Variants in CCDC178 observed in about 807,000 individuals in gnomAD.
CCDC178 encodes coiled-coil domain containing 178.
A neutral mutation model predicts 117.4 loss-of-function variants in CCDC178; 126 were observed. The ratio of observed to expected loss-of-function variants is 1.07; its 90% CI spans 0.93 to 1.24. The LOEUF (loss-of-function observed/expected upper bound fraction) is 1.24. Among genes scored for constraint, CCDC178 ranks in the 50% most tolerant of loss-of-function variants. The pLI is 0.00. For synonymous variants in CCDC178, 283 were observed against 313.4 expected (o/e 0.90, Z 1.02); for missense variants, 1,030 against 986.9 (o/e 1.04, Z -0.59).
chr18:33,006,763 C>T (rs1377065834), intron 21 of CCDC178, among the ~76,000 whole-genome samples: 2 of 151,978 alleles, frequency 1.3e-5, no homozygotes, highest in Admixed American at 1.3e-4. Context: ...TATTGAAGTG[C>T]CATGTTATGA....
intron 20 of CCDC178, among the ~76,000 whole-genome samples, chr18:33,210,820 A>C (rs1414920492): frequency 2.6e-5 from 4 of 152,064 alleles, no homozygotes; most frequent in Admixed American, 1.3e-4. Context: ...TAGGTCAAGA[A>C]AACCCTTTTC....
intron 6 of CCDC178, 65 bp from the exon 7 acceptor site, chr18:33,356,411 C>G (rs2063058453): frequency 4.5e-6 from 6 of 1,345,764 alleles, no homozygotes; most frequent in Non-Finnish European, 1.0e-6. Flanking sequence ...GAATAAATGT[C>G]ACTTAAACTT....
rs375342485 is a variant in CCDC178 at position 33,266,959 on chromosome 18, G to C, written c.1366C>G (p.Leu456Val). 2.5e-5 allele frequency: 39 copies of C among 1,589,790 alleles called. No homozygotes were observed. The highest frequency in any genetic ancestry group is 3.3e-5 in the Non-Finnish European group (39 of 1,172,934). The change falls in exon 14 of 23, where the codon CTT (leucine) becomes GTT (valine). Residue 456 changes from leucine (L) to valine (V), a missense_variant. Coordinates refer to ENST00000383096, the MANE Select transcript of CCDC178 (RefSeq NM_001105528.4). ...CTKLTEDNKK[L>V]EIDINKITVK... Reference sequence around the variant, plus strand: ...GTTATTTTGTTAATATCAATCTCAAGTTTTTTATTGTCTTCCGTCAGTTTT... The same window carrying C: ...GTTATTTTGTTAATATCAATCTCAACTTTTTTATTGTCTTCCGTCAGTTTT...
At chr18:33,042,809 T>A (rs1176936418) in intron 21 of CCDC178, among the ~76,000 whole-genome samples, 1 of 151,950 alleles carries the variant, frequency 6.6e-6, no homozygotes, top group African/African-American at 2.4e-5. Context: ...GGCTGTATAC[T>A]CATTGTACTT....
intron 12 of CCDC178, among the ~76,000 whole-genome samples, chr18:33,273,866 A>G (rs958757186): frequency 2.3e-4 from 35 of 151,814 alleles, no homozygotes; most frequent in Admixed American, 1.6e-3. Flanking sequence ...AAATAGATAA[A>G]TAAGACTCCA....
chr18:33,404,025 G>A (rs891449674), intron 3 of CCDC178, among the ~76,000 whole-genome samples: 5 of 152,048 alleles, frequency 3.3e-5, no homozygotes, highest in Admixed American at 3.3e-4. Flanking sequence ...ACCCCTCAAG[G>A]GAAACTACCT....
intron 18 of CCDC178, among the ~76,000 whole-genome samples, chr18:33,216,874 G>T (rs1251904054): frequency 1.3e-5 from 2 of 151,968 alleles, no homozygotes; most frequent in East Asian, 1.9e-4. Context: ...TTATTTGGGT[G>T]GGGGTGGAAG....
chr18:33,066,615 A>T (rs988228859), intron 21 of CCDC178, among the ~76,000 whole-genome samples: 10 of 152,246 alleles, frequency 6.6e-5, no homozygotes, highest in Non-Finnish European at 1.3e-4. Flanking sequence ...AATTCACTTC[A>T]TCTGAAAAGA....
chr18:33,280,308 T>G (rs1465694328), intron 12 of CCDC178, among the ~76,000 whole-genome samples: 2 of 152,072 alleles, frequency 1.3e-5, no homozygotes, highest in Non-Finnish European at 2.9e-5. Flanking sequence ...GAACAGACAC[T>G]TCTCAAAAGA....
intron 21 of CCDC178, among the ~76,000 whole-genome samples, chr18:33,052,172 T>C (rs1451117558): frequency 6.6e-6 from 1 of 152,118 alleles, no homozygotes; most frequent in Non-Finnish European, 1.5e-5. Flanking sequence ...AAACTTTAGG[T>C]TCATCTATGT....
At position 33,346,224 on chromosome 18, in the gene CCDC178, C is replaced by T; in HGVS notation, c.645G>A (p.Leu215=). Residue 215 remains leucine, a synonymous_variant, in exon 9 of 23, where the codon TTG becomes TTA. Transcript: ENST00000383096. ...CCCTATTATTACCTTTCTGCACAGC[C>T]AATGGGAGTTCTTGAAGTTTCCAGA... ...WSVWKLQELP[L]AVQKEHEAYL... 2 of 1,611,762 alleles carry T rather than the reference C, an allele frequency of 1.2e-6. No homozygotes were observed. Among genetic ancestry groups the T allele is most frequent in the Non-Finnish European group, 1.7e-6 (2 of 1,178,158 alleles).
At chr18:32,961,268 C>T (rs2054698090) in intron 22 of CCDC178, among the ~76,000 whole-genome samples, 1 of 151,990 alleles carries the variant, frequency 6.6e-6, no homozygotes, top group Non-Finnish European at 1.5e-5. Flanking sequence ...TATATATTTT[C>T]AACTTTTATT....
chr18:33,073,549 ATC>A (rs375793722), intron 21 of CCDC178, among the ~76,000 whole-genome samples: 5,311 of 132,148 alleles, frequency 0.04, 119 homozygotes, highest in Middle Eastern at 0.08. Flanking sequence ...CTATCTATCT[ATC>A]TATATATATA....
At chr18:33,439,866 T>C (rs1385489979) in intron 2 of CCDC178, 96 bp downstream of exon 2, 1 of 152,226 alleles carries the variant, frequency 6.6e-6, no homozygotes, top group Non-Finnish European at 1.5e-5. Flanking sequence ...ATGCTTTGAA[T>C]TGGCAATCGG....
At chr18:33,073,732 A>G (rs1375094687) in intron 21 of CCDC178, among the ~76,000 whole-genome samples, 4 of 152,164 alleles carry the variant, frequency 2.6e-5, no homozygotes, top group Admixed American at 1.3e-4. Flanking sequence ...TGTGAATTAG[A>G]TAATAAGTTG....
chr18:33,398,155 A>G (rs1367790099), intron 3 of CCDC178, among the ~76,000 whole-genome samples: 2 of 152,086 alleles, frequency 1.3e-5, no homozygotes, highest in Non-Finnish European at 2.9e-5. Context: ...TGTCCTTTAA[A>G]TATCTGAATA....
rs1235147711 is a variant in CCDC178, at chr18:33,179,131, CTATATATATATAAACTA to C, written c.2238+32748_2238+32764del. On this transcript the variant is annotated intron_variant, in intron 20 of 22. Transcript: ENST00000383096. The stretch of plus-strand genomic sequence containing the variant: ...TATAAACTATATATATATATATAAA[CTATATATATATAAACTA>C]TATATATATAAACTATATATATAGT... Among the ~76,000 whole-genome samples, 26 of 54,698 alleles carry C rather than the reference CTATATATATATAAACTA, an allele frequency of 4.8e-4. 3 individuals are homozygous for C. The Admixed American group carries it at 6.2e-3, about 13-fold the overall frequency. 35.9% of individuals were successfully genotyped at this position (54,698 alleles called of 152,430 possible).
At chr18:33,276,201 C>T (rs2059949035) in intron 12 of CCDC178, among the ~76,000 whole-genome samples, 1 of 151,920 alleles carries the variant, frequency 6.6e-6, no homozygotes, top group Admixed American at 6.6e-5. Context: ...TAGAAATTCA[C>T]AAAATAAATG....
chr18:33,241,697 AT>A (rs1192771394), intron 15 of CCDC178, among the ~76,000 whole-genome samples: 1 of 151,822 alleles, frequency 6.6e-6, no homozygotes, highest in Non-Finnish European at 1.5e-5. Flanking sequence ...TCTATGAAAC[AT>A]TGATAAAAGA....
Sources: allele counts gnomAD v4.1 joint callset (sites outside exome capture counted in the v4.1 genomes callset), GRCh38; gene constraint gnomAD v4.1.1; transcripts MANE v1.5; gene names NCBI Gene and HGNC (gene_info 2026-07-23, HGNC 2026-07-21).